The following CCDC171 variants were observed in gnomAD, a reference collection of about 807,000 sequenced individuals.
CCDC171 encodes coiled-coil domain containing 171, also known as coiled-coil domain-containing protein 171.
CCDC171 carries 177 observed loss-of-function variants against 168.2 expected under a neutral mutation model. The ratio of observed to expected loss-of-function variants is 1.05; its 90% CI spans 0.93 to 1.19. The LOEUF (loss-of-function observed/expected upper bound fraction) is 1.19, where lower values mean the gene tolerates loss of function less well. Among genes scored for constraint, CCDC171 ranks in the 50% most tolerant of loss-of-function variants. CCDC171 has a pLI of 0.00. For synonymous variants in CCDC171, 687 were observed against 540.8 expected, an observed-to-expected ratio of 1.27 and a Z score of -3.75; for missense variants, 1,991 against 1,539.0, an observed-to-expected ratio of 1.29 and a Z score of -4.91.
the CCDC171 span, among the ~76,000 whole-genome samples, chr9:16,088,147 A>G: frequency 2.6e-5 from 4 of 152,236 alleles, no homozygotes; most frequent in Admixed American, 2.0e-4. Context: ...ATAGATGCAG[A>G]AAAGGCCTTT....
At chr9:15,895,375 G>A (rs184390334) in intron 24 of CCDC171, among the ~76,000 whole-genome samples, 1 of 152,170 alleles carries the variant, frequency 6.6e-6, no homozygotes, top group Admixed American at 6.6e-5. Flanking sequence ...TGATCTCCAA[G>A]GAGTGTACTC....
chr9:15,812,090 G>C (rs1162118974), intron 21 of CCDC171, among the ~76,000 whole-genome samples: 2 of 152,160 alleles, frequency 1.3e-5, no homozygotes, highest in African/African-American at 4.8e-5. Context: ...ATTAAAAAAA[G>C]AGAAGTGAGC....
intron 1 of CCDC171, among the ~76,000 whole-genome samples, chr9:16,055,007 C>T (rs1833814365): frequency 6.6e-6 from 1 of 152,080 alleles, no homozygotes; most frequent in South Asian, 2.1e-4. Flanking sequence ...GAAGCTGCTG[C>T]GGTGGCCAGG....
chr9:15,590,061 CAG>C (rs1210390834), intron 4 of CCDC171, among the ~76,000 whole-genome samples: 1 of 152,078 alleles, frequency 6.6e-6, no homozygotes, highest in Non-Finnish European at 1.5e-5. Flanking sequence ...AAAATAAAGA[CAG>C]AGAAGATTCT....
rs1274077831 is a variant in CCDC171 at position 15,929,141 on chromosome 9, G to T, written c.3753+8719G>T. Among the ~76,000 whole-genome samples, 3 of 151,690 alleles carry T rather than the reference G, an allele frequency of 2.0e-5. 1 individual carries two copies. The South Asian group carries it at 6.2e-4, about 31-fold the overall frequency. Reference sequence around the variant, plus strand: ...TATAGTTCTATTCCACAGTGATGAAGTTTTACAAGGATGGAGCAAGAAGTG... The same window carrying T: ...TATAGTTCTATTCCACAGTGATGAATTTTTACAAGGATGGAGCAAGAAGTG... On this transcript the variant is annotated intron_variant, in intron 25 of 25. Coordinates refer to ENST00000380701, the MANE Select transcript of CCDC171 (RefSeq NM_173550.4).
downstream of CCDC171, among the ~76,000 whole-genome samples, chr9:15,976,108 T>G (rs1401313483): frequency 6.6e-6 from 1 of 152,124 alleles, no homozygotes; most frequent in Non-Finnish European, 1.5e-5. Context: ...AAATGGATTC[T>G]CCTCTCAGAG....
At chr9:15,836,743 A>G (rs2060468115) in intron 21 of CCDC171, among the ~76,000 whole-genome samples, 1 of 152,202 alleles carries the variant, frequency 6.6e-6, no homozygotes, top group Non-Finnish European at 1.5e-5. Context: ...CATTGGTCAA[A>G]GCAAGTAACT....
intron 25 of CCDC171, among the ~76,000 whole-genome samples, chr9:15,956,030 G>A (rs1829765132): frequency 6.6e-6 from 1 of 152,250 alleles, no homozygotes; most frequent in Non-Finnish European, 1.5e-5. Flanking sequence ...TTGATGCAGG[G>A]CAATTTCCTA....
At chr9:15,724,997 A>T in intron 14 of CCDC171, 21 bp downstream of exon 14, 1 of 1,581,182 alleles carries the variant, frequency 6.3e-7, no homozygotes, top group Non-Finnish European at 8.7e-7. Flanking sequence ...AGACTCAATG[A>T]CTGTCAGGAA....
chr9:15,619,787 C>T (rs189575555), intron 6 of CCDC171, among the ~76,000 whole-genome samples: 2 of 152,292 alleles, frequency 1.3e-5, no homozygotes, highest in East Asian at 3.9e-4. Context: ...GAGGAGAAGT[C>T]AGTGCCCAGC....
chr9:15,708,883 T>C (rs1168433978), intron 11 of CCDC171, among the ~76,000 whole-genome samples: 2 of 152,210 alleles, frequency 1.3e-5, no homozygotes, highest in African/African-American at 2.4e-5. Context: ...CACCATGTAA[T>C]TGATTCAGAG....
chr9:16,003,568 A>G (rs1023474695), intron 3 of CCDC171, among the ~76,000 whole-genome samples: 8 of 152,202 alleles, frequency 5.3e-5, no homozygotes, highest in Non-Finnish European at 1.2e-4. Context: ...TGTTGGGGTA[A>G]GGGATGGAGG....
chr9:15,722,173 T>C lies in CCDC171; in HGVS notation c.1425+298T>C, dbSNP rs538095856. Among the ~76,000 whole-genome samples the C allele has an allele frequency of 5.3e-5, 8 of 152,310 alleles. No individual in the cohort carries two copies. In the East Asian group the frequency reaches 1.5e-3, roughly 29 times the overall value. ...TTAATGAAAAACACTATGCAAGTAG[T>C]TTAAGTTAATATGTACTGTATTTAA... On this transcript the variant is annotated intron_variant, in intron 12 of 25. Coordinates refer to ENST00000380701, the MANE Select transcript of CCDC171 (RefSeq NM_173550.4).
intron 21 of CCDC171, among the ~76,000 whole-genome samples, chr9:15,834,990 C>T (rs1006940137): frequency 6.6e-6 from 1 of 152,116 alleles, no homozygotes; most frequent in Non-Finnish European, 1.5e-5. Flanking sequence ...ACATAGAGTC[C>T]TTGTGGAATT....
chr9:15,706,346 G>T (rs2052234702), intron 11 of CCDC171, among the ~76,000 whole-genome samples: 1 of 151,696 alleles, frequency 6.6e-6, no homozygotes, highest in Admixed American at 6.6e-5. Context: ...CTGGAGTGCA[G>T]TGGTGCAGTC....
chr9:15,940,958 G>T (rs769134279), intron 25 of CCDC171, among the ~76,000 whole-genome samples: 1 of 151,886 alleles, frequency 6.6e-6, no homozygotes, highest in Non-Finnish European at 1.5e-5. Context: ...TAGTTCCCAC[G>T]ACTGTAAAAG....
In CCDC171 at chr9:15,606,064, C is replaced by T. The variant is rs145167639; in HGVS notation, c.675+11892C>T. 4.9e-3 allele frequency among the ~76,000 whole-genome samples: 745 copies of T among 152,108 alleles called. 2 individuals are homozygous for T. The highest frequency in any genetic ancestry group is 0.016 in the African/African-American group (657 of 41,472). ...TAAATTAGGCGCAGTAAGAGATTAA[C>T]GATGTAACTAATAATAGAACCATCA... On this transcript the variant is annotated intron_variant, in intron 6 of 25. Coordinates refer to ENST00000380701, the MANE Select transcript of CCDC171 (RefSeq NM_173550.4).
intron 16 of CCDC171, among the ~76,000 whole-genome samples, chr9:15,737,788 G>A (rs1394555062): frequency 1.3e-5 from 2 of 152,168 alleles, no homozygotes; most frequent in Non-Finnish European, 2.9e-5. Flanking sequence ...GAGAATGTGT[G>A]TGTGTGTATG....
At chr9:15,588,272 GC>G (rs1221444602) in intron 4 of CCDC171, 2 of 168,468 alleles carry the variant, frequency 1.2e-5, no homozygotes, top group Non-Finnish European at 2.6e-5. Flanking sequence ...GGAAGAAGAG[GC>G]AAGAAGGACC....
Sources: allele counts gnomAD v4.1 joint callset (sites outside exome capture counted in the v4.1 genomes callset), GRCh38; gene constraint gnomAD v4.1.1; transcripts MANE v1.5; gene names NCBI Gene and HGNC (gene_info 2026-07-23, HGNC 2026-07-21).